Variants in EVC2 observed in about 807,000 individuals in gnomAD.
The protein encoded by EVC2 is EvC ciliary complex subunit 2.
EVC2 carries 148 observed loss-of-function variants against 149.3 expected under a neutral mutation model. That is an observed-to-expected ratio of 0.99 (90% confidence interval 0.87 to 1.14). The LOEUF (loss-of-function observed/expected upper bound fraction) is 1.14, where lower values mean the gene tolerates loss of function less well. Among genes scored for constraint, EVC2 ranks in the 50% most tolerant of loss-of-function variants. The pLI, the probability that EVC2 is intolerant of heterozygous loss-of-function variation, is 0.00. For missense variants in EVC2, 1,854 were observed against 1,627.3 expected (o/e 1.14, Z -2.40); for synonymous variants, 776 against 649.9 (o/e 1.19, Z -2.95).
At position 5,622,414 on chromosome 4, in the gene EVC2, T is replaced by A; in HGVS notation, c.2501+123A>T. ...TTGAGTTTATATGACTAATTAACGC[T>A]GGTAATCTCATCTGTCTGGGGCCAG... On this transcript the variant is annotated intron_variant, in intron 14 of 21. Coordinates refer to ENST00000344408, the MANE Select transcript of EVC2 (RefSeq NM_147127.5). The surrounding 1 kb of genome is among the most constrained non-coding windows in gnomAD (Gnocchi z 5.8). The A allele has an allele frequency of 8.8e-7, 1 of 1,134,480 alleles. No homozygotes were observed. Among genetic ancestry groups the A allele is most frequent in the East Asian group, 2.6e-5 (1 of 38,794 alleles). 70.3% of individuals were successfully genotyped at this position (1,134,480 alleles called of 1,614,324 possible). A position where few individuals can be genotyped will look rare whatever the true frequency, so the allele number is the denominator to read the frequency against.
chr4:5,598,196 T>C lies in EVC2; in HGVS notation c.2830-13346A>G, dbSNP rs1229758951. Among the ~76,000 whole-genome samples, 17 of 152,236 alleles carry C rather than the reference T, an allele frequency of 1.1e-4. 1 individual carries two copies. In the East Asian group the frequency reaches 3.1e-3, roughly 28 times the overall value. On this transcript the variant is annotated intron_variant, in intron 16 of 21. Transcript: ENST00000344408. ...CCCCATCCAGCTACCAATGACTTTC[T>C]TCACAGAATTGGAAAAAACTAATTT... is the stretch of plus-strand genomic sequence containing the variant.
At chr4:5,619,221 A>C (rs1472911788) in intron 14 of EVC2, among the ~76,000 whole-genome samples, 1 of 152,200 alleles carries the variant, frequency 6.6e-6, no homozygotes, top group African/African-American at 2.4e-5. Flanking sequence ...TGTGGCTCCC[A>C]AAAAGATATA....
chr4:5,586,620 A>G (rs1054952725), intron 16 of EVC2, among the ~76,000 whole-genome samples: 5 of 151,868 alleles, frequency 3.3e-5, no homozygotes, highest in African/African-American at 1.2e-4. Context: ...TGGAGGCTTC[A>G]TCTGCATCAT....
intron 16 of EVC2, among the ~76,000 whole-genome samples, chr4:5,595,964 G>C (rs1713370624): frequency 6.6e-6 from 1 of 152,154 alleles, no homozygotes; most frequent in African/African-American, 2.4e-5. Context: ...GATCAAAAGA[G>C]ACAAAGAAGG....
chr4:5,655,849 G>A (rs1718488862), intron 9 of EVC2, among the ~76,000 whole-genome samples: 2 of 151,816 alleles, frequency 1.3e-5, no homozygotes, highest in African/African-American at 4.8e-5. Context: ...AAAGAGAGGG[G>A]CATTATTTAT....
intron 21 of EVC2, among the ~76,000 whole-genome samples, chr4:5,556,809 T>G (rs1721848020): frequency 6.6e-6 from 1 of 152,214 alleles, no homozygotes; most frequent in Non-Finnish European, 1.5e-5. Context: ...AACAACTCTA[T>G]GCCCATAATT....
At position 5,613,324 on chromosome 4, in the gene EVC2, C is replaced by A. The variant is rs1044541024; in HGVS notation, c.2829+2098G>T. 2.0e-5 allele frequency among the ~76,000 whole-genome samples: 3 copies of A among 152,134 alleles called. No individual in the cohort carries two copies. Among genetic ancestry groups the A allele is most frequent in the African/African-American group, 7.2e-5 (3 of 41,422 alleles). ...AGTCCAGGATACCCATTCCCTCTGC[C>A]AAACCAAACCCCAGCTTTCCCTTCA... On this transcript the variant is annotated intron_variant, in intron 16 of 21. Coordinates refer to ENST00000344408, the MANE Select transcript of EVC2 (RefSeq NM_147127.5). The surrounding 1 kb of genome is among the most constrained non-coding windows in gnomAD (Gnocchi z 4.6).
chr4:5,681,456 C>CA, intron 6 of EVC2, 143 bp from the exon 7 acceptor site: 1 of 841,068 alleles, frequency 1.2e-6, no homozygotes. Flanking sequence ...GTGAAGGTCT[C>CA]ACCATCAGGA....
chr4:5,659,524 G>C (rs1718745460), intron 9 of EVC2, among the ~76,000 whole-genome samples: 1 of 152,138 alleles, frequency 6.6e-6, no homozygotes, highest in African/African-American at 2.4e-5. Flanking sequence ...GAGGCTGGGG[G>C]AGAGGAAGAG....
chr4:5,641,485 C>T (rs1293387071), intron 9 of EVC2, among the ~76,000 whole-genome samples: 6 of 152,142 alleles, frequency 3.9e-5, no homozygotes, highest in Non-Finnish European at 1.5e-5. Flanking sequence ...AAAATAAAGT[C>T]TACTTGAAAA....
At chr4:5,546,087 G>A (rs1002918153) in intron 21 of EVC2, among the ~76,000 whole-genome samples, 4 of 152,182 alleles carry the variant, frequency 2.6e-5, no homozygotes, top group Non-Finnish European at 1.5e-5. Context: ...AGGATGTGGA[G>A]AAACAGGAAC....
At chr4:5,653,533 T>C (rs1483009062) in intron 9 of EVC2, among the ~76,000 whole-genome samples, 1 of 152,202 alleles carries the variant, frequency 6.6e-6, no homozygotes, top group Non-Finnish European at 1.5e-5. Context: ...GGGACAATGC[T>C]CTTTCCCCTA....
At chr4:5,612,921 CCAAAAAAAAAAA>C (rs1304575087) in intron 16 of EVC2, among the ~76,000 whole-genome samples, 12 of 69,154 alleles carry the variant, frequency 1.7e-4, no homozygotes, top group African/African-American at 3.6e-4. Context: ...GACTCTGTCT[CCAAAAAAAAAAA>C]AAAAAAAAAA....
Position 5,618,454 on chromosome 4 carries a change from C to A in EVC2, c.2706+24G>T, listed in dbSNP as rs550294532. 2 of 1,612,034 alleles carry A rather than the reference C, an allele frequency of 1.2e-6. No individual in the cohort carries two copies. The highest frequency in any genetic ancestry group is 1.7e-5 in the Admixed American group (1 of 60,028). On this transcript the variant is annotated intron_variant, in intron 15 of 21. Coordinates refer to ENST00000344408, the MANE Select transcript of EVC2 (RefSeq NM_147127.5). This position sits in a 1 kb window ranked among gnomAD's most constrained non-coding sequence, Gnocchi z 4.4. Reference sequence around the variant, plus strand: ...TGGGAGACGGCCCTGCTTCTGTAATCGGCCACTGACAGGTCCATCCTACCT... The same window carrying A: ...TGGGAGACGGCCCTGCTTCTGTAATAGGCCACTGACAGGTCCATCCTACCT...
chr4:5,618,408 A>T lies in EVC2; in HGVS notation c.2706+70T>A. ...ATGGGCTCAGGCTGGGGAAGAGGCC[A>T]GACCCTGTAGGGCCAGCAGCTGGGA... On this transcript the variant is annotated intron_variant, in intron 15 of 21. Coordinates refer to ENST00000344408, the MANE Select transcript of EVC2 (RefSeq NM_147127.5). This position sits in a 1 kb window ranked among gnomAD's most constrained non-coding sequence, Gnocchi z 4.4. The T allele has an allele frequency of 6.3e-7, 1 of 1,584,892 alleles. No individual in the cohort carries two copies. The highest frequency in any genetic ancestry group is 8.6e-7 in the Non-Finnish European group (1 of 1,157,212).
chr4:5,594,285 C>A (rs1713157432), intron 16 of EVC2, among the ~76,000 whole-genome samples: 1 of 152,190 alleles, frequency 6.6e-6, no homozygotes, highest in Admixed American at 6.5e-5. Context: ...GGGTGCCTGA[C>A]CCCTGACCCC....
At chr4:5,615,609 CG>C in intron 15 of EVC2, 65 bp from the exon 16 acceptor site, 1 of 1,612,372 alleles carries the variant, frequency 6.2e-7, no homozygotes, top group East Asian at 2.2e-5. Context: ...GCAGCTCCCC[CG>C]AGGGCTTTGC....
rs918920056 is a variant in EVC2 at position 5,677,254 on chromosome 4, G to T, written c.870+4006C>A. Among the ~76,000 whole-genome samples the T allele has an allele frequency of 6.6e-6, 1 of 151,862 alleles. No homozygotes were observed. Among genetic ancestry groups the T allele is most frequent in the African/African-American group, 2.4e-5 (1 of 41,412 alleles). ...GTTGGGGAAACTGAGGCCCTCAGAGGTAAGTGACGTGCCCAAGCTCACATG... is the reference window on the plus strand; with the variant it reads ...GTTGGGGAAACTGAGGCCCTCAGAGTTAAGTGACGTGCCCAAGCTCACATG... On this transcript the variant is annotated intron_variant, in intron 7 of 21. Transcript: ENST00000344408. The surrounding 1 kb of genome is among the most constrained non-coding windows in gnomAD (Gnocchi z 4.3).
At chr4:5,583,428 C>A (rs1380868960) in intron 17 of EVC2, among the ~76,000 whole-genome samples, 1 of 152,132 alleles carries the variant, frequency 6.6e-6, no homozygotes, top group Non-Finnish European at 1.5e-5. Flanking sequence ...ATGAGACTGG[C>A]AAAATACCTT....
Sources: allele counts gnomAD v4.1 joint callset (sites outside exome capture counted in the v4.1 genomes callset), GRCh38; gene constraint gnomAD v4.1.1; non-coding constraint Gnocchi (gnomAD v3.1); transcripts MANE v1.5; gene names NCBI Gene and HGNC (gene_info 2026-07-23, HGNC 2026-07-21).